The following GPR35 variants were observed in gnomAD, a reference collection of about 807,000 sequenced individuals.
GPR35 encodes the protein G protein-coupled receptor 35, also known as KYNA receptor.
For synonymous variants in GPR35, 207 were observed against 198.4 expected (o/e 1.04, Z -0.36); for missense variants, 372 against 422.5 (o/e 0.88, Z 1.05).
chr2:240,626,778 C>T (rs962961162), intron 1 of GPR35, among the ~76,000 whole-genome samples: 9 of 152,076 alleles, frequency 5.9e-5, no homozygotes, highest in African/African-American at 1.7e-4. Context: ...CGTGCCCCCA[C>T]GTCTTCAGCA....
chr2:240,612,382 A>G (rs1575460588), intron 2 of GPR35, among the ~76,000 whole-genome samples: 1 of 139,626 alleles, frequency 7.2e-6, no homozygotes, highest in African/African-American at 2.7e-5. Flanking sequence ...AGTGGAGATC[A>G]CGCCACTGCA....
rs2043461111 is a variant in GPR35 at position 240,632,513 on chromosome 2, A to G, written c.*1631A>G. ...GGTCCAGCCCAGGAGGGTCCATGTC[A>G]AGGAGGTTCCATGCCCAGGAGGGTC... On this transcript the variant is annotated 3_prime_UTR_variant, in exon 2 of 2. Coordinates refer to ENST00000407714, the MANE Select transcript of GPR35 (RefSeq NM_005301.5). Among the ~76,000 whole-genome samples, 1 of 135,790 alleles carries G rather than the reference A, an allele frequency of 7.4e-6. No homozygotes were observed. Among genetic ancestry groups the G allele is most frequent in the Admixed American group, 7.2e-5 (1 of 13,878 alleles). 89.1% of individuals were successfully genotyped at this position (135,790 alleles called of 152,430 possible). A position where few individuals can be genotyped will look rare whatever the true frequency, so the allele number is the denominator to read the frequency against.
intron 5 of GPR35, chr2:240,619,081 C>A: frequency 1.4e-6 from 1 of 690,870 alleles, no homozygotes; most frequent in Non-Finnish European, 2.6e-6. Flanking sequence ...GTAAATGCAT[C>A]TCTAATTTGG....
upstream of GPR35, among the ~76,000 whole-genome samples, chr2:240,623,586 G>A (rs1210793186): frequency 6.6e-6 from 1 of 151,964 alleles, no homozygotes; most frequent in Non-Finnish European, 1.5e-5. Flanking sequence ...CGCTCTGGAG[G>A]GGCCCGGGCA....
chr2:240,607,708 TTC>T (rs1015819328), intron 2 of GPR35, among the ~76,000 whole-genome samples: 36 of 152,162 alleles, frequency 2.4e-4, no homozygotes, highest in Non-Finnish European at 5.9e-5. Flanking sequence ...CATTTATTAG[TTC>T]ATAGTGTTTT....
At chr2:240,616,011 G>A (rs914093669) in intron 2 of GPR35, among the ~76,000 whole-genome samples, 3 of 152,320 alleles carry the variant, frequency 2.0e-5, no homozygotes, top group South Asian at 2.1e-4. Flanking sequence ...AGGCCCCACA[G>A]GAGAAGCAGC....
chr2:240,618,775 A>T (rs770678987), intron 4 of GPR35: 17 of 479,394 alleles, frequency 3.5e-5, no homozygotes, highest in Non-Finnish European at 4.4e-5. Context: ...GCTCCATCTA[A>T]AAACACATCA....
chr2:240,620,477 G>T (rs2043281398), intron 5 of GPR35, among the ~76,000 whole-genome samples: 1 of 152,110 alleles, frequency 6.6e-6, no homozygotes, highest in Non-Finnish European at 1.5e-5. Context: ...TGGGCACGGG[G>T]GAGGCAGGGA....
chr2:240,612,197 G>A (rs1332145562), intron 2 of GPR35, among the ~76,000 whole-genome samples: 1 of 151,782 alleles, frequency 6.6e-6, no homozygotes. Flanking sequence ...CTGGGAGGCC[G>A]AGGCGGGCGG....
chr2:240,615,536 G>A (rs1214279772), intron 2 of GPR35, among the ~76,000 whole-genome samples: 1 of 152,146 alleles, frequency 6.6e-6, no homozygotes, highest in Non-Finnish European at 1.5e-5. Context: ...ATAACCCCTT[G>A]TGCCCATCAC....
chr2:240,613,775 TCTAACC>T lies in GPR35; in HGVS notation c.-576-2601_-576-2596del, dbSNP rs1217114259. 5.7e-5 allele frequency among the ~76,000 whole-genome samples: 8 copies of T among 139,216 alleles called. No individual in the cohort carries two copies. In the East Asian group the frequency reaches 1.8e-3, roughly 31 times the overall value. 91.3% of individuals were successfully genotyped at this position (139,216 alleles called of 152,430 possible). A position where few individuals can be genotyped will look rare whatever the true frequency, so the allele number is the denominator to read the frequency against. ...CCCTAACCCTAACCGAAACCCTAAC[TCTAACC>T]CTAACCCTAACTCAACCCAAACCTT... On this transcript the variant is annotated intron_variant, in intron 2 of 5. Coordinates refer to the GPR35 transcript ENST00000319838.
rs554939612 is a variant in GPR35, at chr2:240,629,793, G to C, written c.-4-156G>C. 9 of 629,004 alleles carry C rather than the reference G, an allele frequency of 1.4e-5. No homozygotes were observed. In the East Asian group the frequency reaches 2.2e-4, roughly 15 times the overall value. The allele number at this position is 629,004 out of a possible 1,614,324, so 39.0% of individuals were successfully genotyped here. ...TCAAGGGTGACTTGGAGTTCTTTAC[G>C]GCACCCATGCTTTCTTTGAGGAGTT... On this transcript the variant is annotated intron_variant, in intron 1 of 1. Coordinates refer to ENST00000407714, the MANE Select transcript of GPR35 (RefSeq NM_005301.5).
In GPR35 at chr2:240,630,266, G is replaced by C. The variant is rs2125489771; in HGVS notation, c.314G>C (p.Ser105Thr). 1 of 1,564,632 alleles carries C rather than the reference G, an allele frequency of 6.4e-7. No individual in the cohort carries two copies. The highest frequency in any genetic ancestry group is 2.3e-5 in the East Asian group (1 of 44,376). The change falls in exon 2 of 2, where the codon AGC becomes ACC. Residue 105 changes from serine (S) to threonine (T), a missense_variant. Ser to Thr is a moderately conservative substitution (Grantham distance 58, BLOSUM62 1). Coordinates refer to ENST00000407714, the MANE Select transcript of GPR35 (RefSeq NM_005301.5). Reference sequence around the variant, plus strand: ...CTGACCAACAGGTACATGAGCATCAGCCTGGTCACGGCCATCGCCGTGGAC... The same window carrying C: ...CTGACCAACAGGTACATGAGCATCACCCTGGTCACGGCCATCGCCGTGGAC... ...IYLTNRYMSI[S>T]LVTAIAVDRY...
upstream of GPR35, among the ~76,000 whole-genome samples, chr2:240,621,294 G>A (rs938111741): frequency 6.6e-6 from 1 of 151,988 alleles, no homozygotes; most frequent in Non-Finnish European, 1.5e-5. Flanking sequence ...TCCCTCTATC[G>A]CCCAGGCTGG....
chr2:240,625,900 T>G (rs368007390), intron 1 of GPR35, among the ~76,000 whole-genome samples: 140 of 51,346 alleles, frequency 2.7e-3, no homozygotes, highest in African/African-American at 4.2e-3. Context: ...GGTCTCAGAG[T>G]GGGGTGAGGC....
intron 4 of GPR35, among the ~76,000 whole-genome samples, chr2:240,618,730 G>A (rs1045815946): frequency 6.6e-6 from 1 of 152,120 alleles, no homozygotes; most frequent in Non-Finnish European, 1.5e-5. Flanking sequence ...AAATTTTGTA[G>A]CTTATCTTTC....
intron 1 of GPR35, among the ~76,000 whole-genome samples, chr2:240,626,888 G>T (rs1575469046): frequency 6.6e-6 from 1 of 152,324 alleles, no homozygotes; most frequent in East Asian, 1.9e-4. Flanking sequence ...GAGGGGCTCT[G>T]GTGTGGCTGG....
chr2:240,609,175 C>T (rs2043161615), intron 2 of GPR35, among the ~76,000 whole-genome samples: 1 of 151,830 alleles, frequency 6.6e-6, no homozygotes, highest in African/African-American at 2.4e-5. Context: ...AACCAATCTC[C>T]ATTTTATTGA....
chr2:240,616,239 C>G (rs1308882136), intron 2 of GPR35: 30 of 625,800 alleles, frequency 4.8e-5, no homozygotes, highest in Non-Finnish European at 7.7e-5. Flanking sequence ...GAATACAGGC[C>G]TGAGGGTGAC....
Sources: allele counts gnomAD v4.1 joint callset (sites outside exome capture counted in the v4.1 genomes callset), GRCh38; gene constraint gnomAD v4.1.1; transcripts MANE v1.5; gene names NCBI Gene and HGNC (gene_info 2026-07-23, HGNC 2026-07-21).